BIN1: variants seen among roughly 807,000 people sequenced by gnomAD.
BIN1 encodes the protein myc box-dependent-interacting protein 1.
In BIN1, 53 loss-of-function variants were observed where a neutral mutation model predicts 82.0. That is an observed-to-expected ratio of 0.65 (90% CI 0.52 to 0.81). The LOEUF (loss-of-function observed/expected upper bound fraction) is 0.81. Ranked by LOEUF, BIN1 falls within the 40% of genes least tolerant of loss-of-function variation. BIN1 has a pLI of 0.00. For synonymous variants in BIN1, 302 were observed against 328.0 expected, an observed-to-expected ratio of 0.92 and a Z score of 0.86; for missense variants, 642 against 784.4, an observed-to-expected ratio of 0.82 and a Z score of 2.17.
rs372855998 is a variant in BIN1 at position 127,085,405 on chromosome 2, C to G, written c.85-8699G>C. 1.8e-4 allele frequency among the ~76,000 whole-genome samples: 27 copies of G among 152,264 alleles called. 1 individual carries two copies. The highest frequency in any genetic ancestry group is 6.0e-4 in the African/African-American group (25 of 41,546). ...AAGAACGCTCCCCAGCCCTCAGGGC[C>G]CCACACAGCAGCACAAGCTCGGCCA... On this transcript the variant is annotated intron_variant, in intron 1 of 18. Transcript: ENST00000316724.
At chr2:127,105,467 C>CCCCCCTCCTCCTCCTCCT (rs1387479075) in intron 1 of BIN1, among the ~76,000 whole-genome samples, 1 of 55,822 alleles carries the variant, frequency 1.8e-5, no homozygotes, top group East Asian at 4.2e-4. Context: ...GGGCTTTAAT[C>CCCCCCTCCTCCTCCTCCT]CCTCCTCCTC....
At chr2:127,058,922 G>A in intron 11 of BIN1, 89 bp downstream of exon 11, 2 of 1,524,948 alleles carry the variant, frequency 1.3e-6, no homozygotes, top group Non-Finnish European at 1.8e-6. Context: ...CCAGAAAGGG[G>A]ACAGAGGAGT....
rs1325640750 is a variant in BIN1 at position 127,107,014 on chromosome 2, C to G, written c.-71G>C. On this transcript the variant is annotated 5_prime_UTR_variant, in exon 1 of 19. Coordinates refer to ENST00000316724, the MANE Select transcript of BIN1 (RefSeq NM_139343.3). This position sits in a 1 kb window ranked among gnomAD's most constrained non-coding sequence, Gnocchi z 5.9. ...GAGATCTTGCGCGCCGCGCTCCCAG[C>G]CCCCAGCCCCGGCCGCGCGTCCAGA... 35 of 1,440,504 alleles carry G rather than the reference C, an allele frequency of 2.4e-5. No homozygotes were observed. The highest frequency in any genetic ancestry group is 3.2e-5 in the Non-Finnish European group (35 of 1,094,718). 89.2% of individuals were successfully genotyped at this position (1,440,504 alleles called of 1,614,324 possible). A position where few individuals can be genotyped will look rare whatever the true frequency, so the allele number is the denominator to read the frequency against.
intron 10 of BIN1, chr2:127,060,773 G>C: frequency 4.1e-6 from 5 of 1,221,618 alleles, no homozygotes; most frequent in South Asian, 1.3e-5. Context: ...CTAAGTGCCA[G>C]AGGCCTTGCA....
At chr2:127,098,561 C>T (rs750357670) in intron 1 of BIN1, among the ~76,000 whole-genome samples, 13 of 152,082 alleles carry the variant, frequency 8.5e-5, no homozygotes, top group Non-Finnish European at 1.8e-4. Flanking sequence ...CCCACCCCCA[C>T]GCCCCATGCT....
rs779032270 is a variant in BIN1, at chr2:127,057,157, G to A, written c.1131+316C>T. Among the ~76,000 whole-genome samples, 3 of 152,322 alleles carry A rather than the reference G, an allele frequency of 2.0e-5. No homozygotes were observed. Among genetic ancestry groups the A allele is most frequent in the East Asian group, 3.9e-4 (2 of 5,170 alleles). ...TGGAAGCCTTCCCTGACAGCCACAC[G>A]TCCTCCACACTCCCCGATCCCCTCT... is the stretch of plus-strand genomic sequence containing the variant. On this transcript the variant is annotated intron_variant, in intron 12 of 18. Transcript: ENST00000316724. This position sits in a 1 kb window ranked among gnomAD's most constrained non-coding sequence, Gnocchi z 5.0.
At chr2:127,053,480 GCA>G (rs2104892697) in intron 13 of BIN1, 35 bp from the exon 14 acceptor site, 2 of 1,612,280 alleles carry the variant, frequency 1.2e-6, no homozygotes, top group East Asian at 2.2e-5. Flanking sequence ...AGGACAGTTA[GCA>G]CAGAGGTTAG....
chr2:127,087,877 C>T (rs1020207865), intron 1 of BIN1, among the ~76,000 whole-genome samples: 2 of 152,186 alleles, frequency 1.3e-5, no homozygotes, highest in Non-Finnish European at 2.9e-5. Context: ...GGGACCATCC[C>T]CCAAGCTGAG....
At position 127,054,110 on chromosome 2, in the gene BIN1, C is replaced by T. The variant is rs1191861793; in HGVS notation, c.1132-98G>A. The T allele has an allele frequency of 6.4e-5, 61 of 950,382 alleles. No homozygotes were observed. In the East Asian group the frequency reaches 1.6e-3, roughly 25 times the overall value. 58.9% of individuals were successfully genotyped at this position (950,382 alleles called of 1,614,324 possible). A position where few individuals can be genotyped will look rare whatever the true frequency, so the allele number is the denominator to read the frequency against. ...CTGCAGGCACAGGCACACGCGTGGA[C>T]ACACACACATACACACACCACGCAT... On this transcript the variant is annotated intron_variant, in intron 12 of 18. Transcript: ENST00000316724.
chr2:127,051,064 G>T, intron 16 of BIN1, 90 bp downstream of exon 16: 1 of 1,563,606 alleles, frequency 6.4e-7, no homozygotes, highest in Non-Finnish European at 8.8e-7. Flanking sequence ...GCCAGGCCTG[G>T]ACCAGCACCA....
chr2:127,060,534 C>T (rs1573589746), intron 10 of BIN1: 3 of 1,610,272 alleles, frequency 1.9e-6, no homozygotes, highest in Non-Finnish European at 8.5e-7. Context: ...GCGCAAGGCG[C>T]ATGCACAGGG....
At chr2:127,095,823 T>C (rs998044122) in intron 1 of BIN1, among the ~76,000 whole-genome samples, 1 of 152,178 alleles carries the variant, frequency 6.6e-6, no homozygotes, top group Non-Finnish European at 1.5e-5. Context: ...TGATGGTTCT[T>C]AGTAAATTAC....
At position 127,059,218 on chromosome 2, in the gene BIN1, G is replaced by T; in HGVS notation, c.858-63C>A. 1 of 1,531,474 alleles carries T rather than the reference G, an allele frequency of 6.5e-7. No individual in the cohort carries two copies. The highest frequency in any genetic ancestry group is 8.8e-7 in the Non-Finnish European group (1 of 1,135,320). The allele number at this position is 1,531,474 out of a possible 1,614,324, so 94.9% of individuals were successfully genotyped here. A position where few individuals can be genotyped will look rare whatever the true frequency, so the allele number is the denominator to read the frequency against. On this transcript the variant is annotated intron_variant, in intron 10 of 18. Transcript: ENST00000316724. The surrounding 1 kb of genome is among the most constrained non-coding windows in gnomAD (Gnocchi z 6.7). ...GGGCCAAGGCACAGGAGACGGAGGG[G>T]CAAATGTATTGACGTCTGTGTGAAG...
intron 1 of BIN1, 58 bp downstream of exon 1, chr2:127,106,802 T>C (rs1681205065): frequency 6.5e-7 from 1 of 1,544,718 alleles, no homozygotes; most frequent in Non-Finnish European, 8.7e-7. Context: ...GGGGGACAGG[T>C]GGCCGGGGCT....
At chr2:127,070,838 C>A (rs1462115676) in intron 2 of BIN1, 22 bp from the exon 3 acceptor site, 11 of 1,608,406 alleles carry the variant, frequency 6.8e-6, no homozygotes, top group Non-Finnish European at 9.3e-6. Flanking sequence ...AGGACAAGGA[C>A]CAGGTCAGGG....
chr2:127,067,058 GA>G lies in BIN1; in HGVS notation c.612+1104del, dbSNP rs1209339295. On this transcript the variant is annotated intron_variant, in intron 7 of 18. Coordinates refer to ENST00000316724, the MANE Select transcript of BIN1 (RefSeq NM_139343.3). This position sits in a 1 kb window ranked among gnomAD's most constrained non-coding sequence, Gnocchi z 4.7. The stretch of plus-strand genomic sequence containing the variant: ...TGCACTCCAGCCAGGGGAACGGAGA[GA>G]AACCCGTTCAAAAAAAAAAAAAAAA... 3.1e-5 allele frequency among the ~76,000 whole-genome samples: 4 copies of G among 130,826 alleles called. No individual in the cohort carries two copies. Among genetic ancestry groups the G allele is most frequent in the Admixed American group, 7.5e-5 (1 of 13,344 alleles). The allele number at this position is 130,826 out of a possible 152,430, so 85.8% of individuals were successfully genotyped here.
At chr2:127,092,015 C>T (rs1016942209) in intron 1 of BIN1, among the ~76,000 whole-genome samples, 5 of 152,024 alleles carry the variant, frequency 3.3e-5, no homozygotes, top group Admixed American at 3.3e-4. Context: ...TGGCCCCTAC[C>T]TTTGGCCCTG....
chr2:127,080,056 T>A (rs1251889811), intron 1 of BIN1, among the ~76,000 whole-genome samples: 1 of 152,218 alleles, frequency 6.6e-6, no homozygotes, highest in Non-Finnish European at 1.5e-5. Context: ...GGAAGACCCA[T>A]GGGCGAGGCT....
intron 16 of BIN1, 22 bp downstream of exon 16, chr2:127,051,132 G>A: frequency 6.2e-7 from 1 of 1,612,726 alleles, no homozygotes. Flanking sequence ...GAAAAGGCAG[G>A]GCTTTGTCCC....
Sources: allele counts gnomAD v4.1 joint callset (sites outside exome capture counted in the v4.1 genomes callset), GRCh38; gene constraint gnomAD v4.1.1; non-coding constraint Gnocchi (gnomAD v3.1); transcripts MANE v1.5; gene names NCBI Gene and HGNC (gene_info 2026-07-23, HGNC 2026-07-21).